The following TSHZ3 variants were observed in gnomAD, a reference collection of about 807,000 sequenced individuals.
TSHZ3 encodes teashirt zinc finger homeobox 3.
A neutral mutation model predicts 64.5 loss-of-function variants in TSHZ3; 10 were observed. That is an observed-to-expected ratio of 0.16 (90% CI 0.10 to 0.26). The LOEUF (loss-of-function observed/expected upper bound fraction) is 0.26, where lower values mean the gene tolerates loss of function less well. TSHZ3 is among the 10% of genes least tolerant of loss of function. The pLI is 1.00. For synonymous variants in TSHZ3, 608 were observed against 593.1 expected, an observed-to-expected ratio of 1.03 and a Z score of -0.36; for missense variants, 1,242 against 1,421.7, an observed-to-expected ratio of 0.87 and a Z score of 2.03.
At chr19:31,217,557 G>A (rs954296527) in intron 4 of TSHZ3, among the ~76,000 whole-genome samples, 1 of 152,034 alleles carries the variant, frequency 6.6e-6, no homozygotes, top group Middle Eastern at 3.2e-3. Flanking sequence ...TTTCCCATGT[G>A]CCCCCTGCAT....
intron 5 of TSHZ3, among the ~76,000 whole-genome samples, chr19:31,156,831 C>T (rs550180223): frequency 3.4e-4 from 52 of 152,258 alleles, no homozygotes; most frequent in African/African-American, 1.2e-3. Context: ...CTGGTCCCTT[C>T]CTTAATCATG....
At chr19:31,292,432 G>C (rs905080429) in intron 1 of TSHZ3, among the ~76,000 whole-genome samples, 1 of 152,130 alleles carries the variant, frequency 6.6e-6, no homozygotes, top group African/African-American at 2.4e-5. Context: ...GAAAATTTGG[G>C]AACAGTCCTT....
intron 1 of TSHZ3, among the ~76,000 whole-genome samples, chr19:31,259,236 G>A (rs1300545391): frequency 6.6e-6 from 1 of 152,142 alleles, no homozygotes; most frequent in Non-Finnish European, 1.5e-5. Context: ...TAAAAGTAGA[G>A]GAGCTGTTCC....
intron 1 of TSHZ3, among the ~76,000 whole-genome samples, chr19:31,338,697 G>A (rs1402816166): frequency 6.6e-6 from 1 of 151,346 alleles, no homozygotes; most frequent in African/African-American, 2.4e-5. Flanking sequence ...TGCTTCTGTG[G>A]GGGAAGAAAA....
At chr19:31,303,392 G>C (rs975293351) in intron 1 of TSHZ3, among the ~76,000 whole-genome samples, 2 of 152,234 alleles carry the variant, frequency 1.3e-5, no homozygotes, top group Admixed American at 1.3e-4. Context: ...AGATGGCATA[G>C]ACCTGGCTCA....
At chr19:31,295,161 A>G (rs569523436) in intron 1 of TSHZ3, among the ~76,000 whole-genome samples, 1 of 152,326 alleles carries the variant, frequency 6.6e-6, no homozygotes, top group South Asian at 2.1e-4. Flanking sequence ...GGACGATAAG[A>G]CAGAGATACC....
intron 1 of TSHZ3, among the ~76,000 whole-genome samples, chr19:31,250,442 C>T (rs527943501): frequency 6.6e-6 from 1 of 152,276 alleles, no homozygotes; most frequent in East Asian, 1.9e-4. Flanking sequence ...TCTATCCACA[C>T]AGGTAGAGAA....
chr19:31,282,598 A>G (rs1976382735), intron 1 of TSHZ3, among the ~76,000 whole-genome samples: 1 of 152,082 alleles, frequency 6.6e-6, no homozygotes. Flanking sequence ...GGCCGTCCGG[A>G]GCACCCCTCC....
chr19:31,349,071 C>T (rs946863540), intron 1 of TSHZ3, 109 bp downstream of exon 1: 6 of 1,375,510 alleles, frequency 4.4e-6, no homozygotes, highest in Non-Finnish European at 5.8e-6. Flanking sequence ...CGGAGTTACT[C>T]AGTGCGGGCA....
chr19:31,279,782 C>A lies in TSHZ3; in HGVS notation c.41-30G>T. 4 of 1,453,338 alleles carry A rather than the reference C, an allele frequency of 2.8e-6. No individual in the cohort carries two copies. The highest frequency in any genetic ancestry group is 3.6e-6 in the Non-Finnish European group (4 of 1,102,684). 90.0% of individuals were successfully genotyped at this position (1,453,338 alleles called of 1,614,324 possible). A position where few individuals can be genotyped will look rare whatever the true frequency, so the allele number is the denominator to read the frequency against. On this transcript the variant is annotated intron_variant, in intron 1 of 1. Transcript: ENST00000240587. This position sits in a 1 kb window ranked among gnomAD's most constrained non-coding sequence, Gnocchi z 6.4. ...CATGATAACAGGTGGGAAAGAGAGACAGGTAGGATGGAATGAAGAGAGACA... is the reference window on the plus strand; with the variant it reads ...CATGATAACAGGTGGGAAAGAGAGAAAGGTAGGATGGAATGAAGAGAGACA...
At position 31,182,005 on chromosome 19, in the gene TSHZ3, T is replaced by C. The variant is rs1974725365; in HGVS notation, n.809+22951A>G. The stretch of plus-strand genomic sequence containing the variant: ...TGCAGGCATCTCCACTGCAGGTGAA[T>C]GCAGTGTCTGTCATCCCCACTGCAA... On this transcript the variant is annotated intron_variant and non_coding_transcript_variant, in intron 5 of 6. Transcript: ENST00000651361. Among the ~76,000 whole-genome samples the C allele has an allele frequency of 2.0e-5, 3 of 152,310 alleles. No individual in the cohort carries two copies. In the South Asian group the frequency reaches 6.2e-4, roughly 32 times the overall value.
chr19:31,210,460 T>TA (rs1975248256), intron 4 of TSHZ3, among the ~76,000 whole-genome samples: 1 of 152,114 alleles, frequency 6.6e-6, no homozygotes. Flanking sequence ...GCAGGAGGTA[T>TA]ATCTAGAAAA....
At chr19:31,207,772 T>C (rs1401670912) in intron 4 of TSHZ3, 1 of 152,234 alleles carries the variant, frequency 6.6e-6, no homozygotes. Flanking sequence ...ACTGCACTTG[T>C]GTTTTTATAT....
At chr19:31,241,806 C>T (rs1345824320) in intron 3 of TSHZ3, among the ~76,000 whole-genome samples, 2 of 152,214 alleles carry the variant, frequency 1.3e-5, no homozygotes, top group Non-Finnish European at 2.9e-5. Flanking sequence ...TCTCTGAAAT[C>T]ACTGCTTTGT....
chr19:31,223,254 T>C (rs779517677), intron 4 of TSHZ3, among the ~76,000 whole-genome samples: 30 of 152,086 alleles, frequency 2.0e-4, no homozygotes, highest in Non-Finnish European at 3.8e-4. Flanking sequence ...AAATATTAAG[T>C]CTTTAAGGCT....
At chr19:31,344,615 C>G (rs896245768) in intron 1 of TSHZ3, among the ~76,000 whole-genome samples, 10 of 152,190 alleles carry the variant, frequency 6.6e-5, no homozygotes, top group Non-Finnish European at 1.3e-4. Flanking sequence ...CCTGCCGCAG[C>G]CCTGGCCCCA....
chr19:31,337,581 C>T (rs567189027), intron 1 of TSHZ3, among the ~76,000 whole-genome samples: 1 of 152,322 alleles, frequency 6.6e-6, no homozygotes, highest in South Asian at 2.1e-4. Flanking sequence ...CCACTGGCTA[C>T]AATTCCAGGC....
chr19:31,266,243 A>C (rs2145202626), intron 1 of TSHZ3, among the ~76,000 whole-genome samples: 1 of 152,266 alleles, frequency 6.6e-6, no homozygotes, highest in East Asian at 1.9e-4. Flanking sequence ...GCAACCCCTA[A>C]AAGGTCAAGA....
chr19:31,350,726 C>T (rs1019294834), upstream of TSHZ3, among the ~76,000 whole-genome samples: 3 of 150,410 alleles, frequency 2.0e-5, no homozygotes, highest in Non-Finnish European at 4.4e-5. Context: ...TTACGGGCGG[C>T]GGTGAGGGCG....
Sources: gnomAD v4.1 joint callset for allele counts (sites outside exome capture counted in the v4.1 genomes callset) on GRCh38, gnomAD v4.1.1 for gene constraint, Gnocchi (gnomAD v3.1) non-coding constraint, MANE v1.5 for transcripts, NCBI Gene and HGNC (gene_info 2026-07-23, HGNC 2026-07-21) for gene names.